Variants in OR51B5 observed in about 807,000 individuals in gnomAD.
The protein encoded by OR51B5 is olfactory receptor 51B5.
For missense variants in OR51B5, 456 were observed against 374.6 expected (o/e 1.22, Z -1.79); for synonymous variants, 186 against 144.8 (o/e 1.28, Z -2.04).
chr11:5,445,339 T>C (rs1362297536), intron 1 of OR51B5, among the ~76,000 whole-genome samples: 1 of 152,186 alleles, frequency 6.6e-6, no homozygotes, highest in Non-Finnish European at 1.5e-5. Context: ...TCCATATTTA[T>C]TCAGATTCAT....
intron 1 of OR51B5, among the ~76,000 whole-genome samples, chr11:5,448,310 A>C (rs991296524): frequency 6.6e-6 from 1 of 152,204 alleles, no homozygotes; most frequent in African/African-American, 2.4e-5. Context: ...TATGATCCAC[A>C]CCCAGTAGAT....
chr11:5,391,768 A>G (rs1009517), intron 1 of OR51B5: 119,597 of 151,666 alleles, frequency 0.79, 47,517 homozygotes, highest in Middle Eastern at 0.84. Context: ...GGCTTATGCT[A>G]TAATCCCAGC....
intron 1 of OR51B5, among the ~76,000 whole-genome samples, chr11:5,473,966 T>C (rs979199324): frequency 2.0e-4 from 30 of 152,124 alleles, no homozygotes; most frequent in Admixed American, 7.2e-4. Context: ...TCTGCCTTCT[T>C]AGAATTCATC....
rs1848933282 is a variant in OR51B5, at chr11:5,343,287, G to GCA, written c.236_237dup (p.Leu80CysfsTer61). ...CTGTGATCCAGCCAGAGGACTCCCA[G>GCA]CACCGTGGGCATTGTGGTCAGGGCC... On this transcript the variant is annotated frameshift_variant, in exon 1 of 1. Coordinates refer to ENST00000300773, the Ensembl canonical transcript of OR51B5. LOFTEE classifies it low-confidence loss of function (END_TRUNC). 1 of 1,612,074 alleles carries GCA rather than the reference G, an allele frequency of 6.2e-7. No homozygotes were observed. Among genetic ancestry groups the GCA allele is most frequent in the African/African-American group, 1.3e-5 (1 of 74,902 alleles).
rs541322915 is a variant in OR51B5 at position 5,468,858 on chromosome 11, G to A, written n.84+36711C>T. The A allele has an allele frequency of 5.2e-5, 22 of 422,870 alleles. No individual in the cohort carries two copies. In the East Asian group the frequency reaches 9.2e-4, roughly 18 times the overall value. The allele number at this position is 422,870 out of a possible 1,614,324, so 26.2% of individuals were successfully genotyped here. On this transcript the variant is annotated intron_variant and non_coding_transcript_variant, in intron 1 of 4. Coordinates refer to the OR51B5 transcript ENST00000415970. ...ATGGTAGTGTCTCCACAGGGCAGCC[G>A]AATCAGGTCTGCATGCAGACAGTAG... is the stretch of plus-strand genomic sequence containing the variant.
chr11:5,454,152 C>G, intron 1 of OR51B5: 1 of 1,614,186 alleles, frequency 6.2e-7, no homozygotes, highest in Non-Finnish European at 8.5e-7. Flanking sequence ...TGTGCTCATT[C>G]TGCGTTCTGT....
chr11:5,413,623 C>G (rs541373380), intron 1 of OR51B5, among the ~76,000 whole-genome samples: 2 of 151,922 alleles, frequency 1.3e-5, no homozygotes, highest in Admixed American at 1.3e-4. Flanking sequence ...GGCTCGAGAA[C>G]GATGTGAAGA....
intron 1 of OR51B5, among the ~76,000 whole-genome samples, chr11:5,374,945 A>C (rs1489690972): frequency 1.3e-5 from 2 of 151,968 alleles, no homozygotes; most frequent in African/African-American, 4.8e-5. Context: ...CCAATCTAGC[A>C]AGGCAGGCCA....
intron 1 of OR51B5, among the ~76,000 whole-genome samples, chr11:5,416,501 A>G (rs1014160207): frequency 6.6e-6 from 1 of 151,610 alleles, no homozygotes; most frequent in Non-Finnish European, 1.5e-5. Context: ...CTGTTTGCAG[A>G]TGACATGATT....
chr11:5,455,208 C>A (rs1590005407), intron 1 of OR51B5: 1 of 152,144 alleles, frequency 6.6e-6, no homozygotes, highest in South Asian at 2.1e-4. Context: ...TCTGAAATAT[C>A]TGACTCATAG....
At chr11:5,466,937 C>T (rs191880323) in intron 1 of OR51B5, among the ~76,000 whole-genome samples, 4 of 152,200 alleles carry the variant, frequency 2.6e-5, no homozygotes, top group African/African-American at 9.6e-5. Context: ...TCTCTAAGCC[C>T]TTTCCTCTAC....
chr11:5,353,311 C>T (rs547089859), intron 1 of OR51B5, among the ~76,000 whole-genome samples: 1 of 152,006 alleles, frequency 6.6e-6, no homozygotes, highest in East Asian at 1.9e-4. Flanking sequence ...TTCAGATGAC[C>T]ATTGTCTTGA....
At chr11:5,384,408 TA>T (rs1367974810) in intron 1 of OR51B5, among the ~76,000 whole-genome samples, 184 of 152,320 alleles carry the variant, frequency 1.2e-3, no homozygotes, top group African/African-American at 4.2e-3. Context: ...TCTCTTCTGA[TA>T]TTCTCAGAGT....
intron 1 of OR51B5, chr11:5,352,083 C>T (rs1277535391): frequency 6.2e-7 from 1 of 1,614,150 alleles, no homozygotes; most frequent in East Asian, 2.2e-5. Flanking sequence ...ACATCACCTT[C>T]AACCGTCTCT....
chr11:5,450,204 T>C (rs184001207), intron 1 of OR51B5, among the ~76,000 whole-genome samples: 2 of 151,868 alleles, frequency 1.3e-5, no homozygotes, highest in East Asian at 1.9e-4. Context: ...GCCTGGCCAA[T>C]ATGGTGAAAC....
chr11:5,496,090 T>C (rs1297766103), intron 1 of OR51B5, among the ~76,000 whole-genome samples: 1 of 152,040 alleles, frequency 6.6e-6, no homozygotes, highest in African/African-American at 2.4e-5. Context: ...TCCCTGATTG[T>C]GACCTAGTGA....
At chr11:5,390,349 G>A (rs10768906) in intron 1 of OR51B5, 1,285,992 of 1,605,790 alleles carry the variant, frequency 0.8, 518,019 homozygotes, top group Middle Eastern at 0.83. Context: ...CCATTATCAA[G>A]TTCCTAGGTC....
chr11:5,479,969 C>A (rs1177643893), intron 1 of OR51B5, among the ~76,000 whole-genome samples: 16 of 146,380 alleles, frequency 1.1e-4, no homozygotes, highest in African/African-American at 4.0e-4. Flanking sequence ...AGAAAGTCAA[C>A]AAGGATACCC....
intron 1 of OR51B5, among the ~76,000 whole-genome samples, chr11:5,485,415 T>C (rs1204000595): frequency 6.6e-6 from 1 of 152,190 alleles, no homozygotes; most frequent in Non-Finnish European, 1.5e-5. Context: ...TATTCAGCCT[T>C]GCATCCCTGG....
Sources: gnomAD v4.1 joint callset for allele counts (sites outside exome capture counted in the v4.1 genomes callset) on GRCh38, gnomAD v4.1.1 for gene constraint, MANE v1.5 for transcripts, NCBI Gene and HGNC (gene_info 2026-07-23, HGNC 2026-07-21) for gene names.